The following TCERG1L variants were observed in gnomAD, a reference collection of about 807,000 sequenced individuals.
The protein encoded by TCERG1L is transcription elongation regulator 1-like protein.
A neutral mutation model predicts 56.3 loss-of-function variants in TCERG1L; 37 were observed. The observed-to-expected ratio is 0.66, with a 90% confidence interval of 0.51 to 0.87. The LOEUF (loss-of-function observed/expected upper bound fraction) is 0.87, where lower values mean the gene tolerates loss of function less well. Among genes scored for constraint, TCERG1L ranks in the 40% least tolerant of loss-of-function variants. The probability of loss-of-function intolerance (pLI) is 0.00; values close to 1 mark genes in which losing one functional copy is unlikely to be tolerated. For synonymous variants in TCERG1L, 324 were observed against 326.3 expected, an observed-to-expected ratio of 0.99 and a Z score of 0.08; for missense variants, 799 against 774.2, an observed-to-expected ratio of 1.03 and a Z score of -0.38.
intron 4 of TCERG1L, among the ~76,000 whole-genome samples, chr10:131,206,073 G>A (rs1845521741): frequency 6.6e-6 from 1 of 152,272 alleles, no homozygotes; most frequent in Admixed American, 6.5e-5. Flanking sequence ...AATGGATGCT[G>A]CAGACACGAA....
intron 4 of TCERG1L, among the ~76,000 whole-genome samples, chr10:131,230,074 C>T (rs1381230049): frequency 1.3e-5 from 2 of 152,198 alleles, no homozygotes; most frequent in African/African-American, 4.8e-5. Context: ...ACCCGACTGT[C>T]CCATGAGGAT....
At chr10:131,181,730 C>T (rs946810005) in intron 4 of TCERG1L, among the ~76,000 whole-genome samples, 6 of 152,246 alleles carry the variant, frequency 3.9e-5, no homozygotes, top group African/African-American at 9.6e-5. Flanking sequence ...CCGTGTCCCC[C>T]CTCGCCTCCT....
chr10:131,185,281 T>C (rs966561157), intron 4 of TCERG1L, among the ~76,000 whole-genome samples: 4 of 152,072 alleles, frequency 2.6e-5, no homozygotes, highest in South Asian at 2.1e-4. Context: ...CACAGAAGAA[T>C]GTCAGAAAGA....
chr10:131,246,558 C>A (rs1177765197), intron 4 of TCERG1L, among the ~76,000 whole-genome samples: 1 of 152,122 alleles, frequency 6.6e-6, no homozygotes, highest in East Asian at 1.9e-4. Flanking sequence ...CGGCAAAAAA[C>A]AGAGGACAAG....
intron 9 of TCERG1L, among the ~76,000 whole-genome samples, chr10:131,113,879 T>G (rs56198058): frequency 0.091 from 12,956 of 142,440 alleles, 2,480 homozygotes; most frequent in Admixed American, 0.17. Flanking sequence ...GTCTCTAATG[T>G]GTTTACCTAA....
intron 3 of TCERG1L, among the ~76,000 whole-genome samples, chr10:131,302,174 T>C (rs769635974): frequency 9.2e-5 from 14 of 151,954 alleles, no homozygotes; most frequent in Admixed American, 2.0e-4. Flanking sequence ...CTTTTCCCCA[T>C]GAACCAAGCT....
rs578235327 is a variant in TCERG1L, at chr10:131,192,482, T to C, written c.857-25597A>G. On this transcript the variant is annotated intron_variant, in intron 4 of 11. Transcript: ENST00000368642. Reference sequence around the variant, plus strand: ...CCCAGATTCCTTAAAGAGTTAAAAGTAGATCTACCATTTGATCCAGCAATC... The same window carrying C: ...CCCAGATTCCTTAAAGAGTTAAAAGCAGATCTACCATTTGATCCAGCAATC... 4.9e-5 allele frequency among the ~76,000 whole-genome samples: 7 copies of C among 144,106 alleles called. 1 individual carries two copies. Among genetic ancestry groups the C allele is most frequent in the African/African-American group, 1.3e-4 (5 of 38,238 alleles). 94.5% of individuals were successfully genotyped at this position (144,106 alleles called of 152,430 possible). A position where few individuals can be genotyped will look rare whatever the true frequency, so the allele number is the denominator to read the frequency against.
chr10:131,131,260 G>A (rs911029746), intron 8 of TCERG1L, among the ~76,000 whole-genome samples: 3 of 152,148 alleles, frequency 2.0e-5, no homozygotes, highest in Admixed American at 6.5e-5. Flanking sequence ...CCCTGCACAC[G>A]TGAGGTCAGA....
Position 131,204,472 on chromosome 10 carries a change from C to T in TCERG1L, c.857-37587G>A, listed in dbSNP as rs117115505. 5.9e-3 allele frequency among the ~76,000 whole-genome samples: 878 copies of T among 148,160 alleles called. 7 individuals are homozygous for T. Among genetic ancestry groups the T allele is most frequent in the South Asian group, 0.021 (92 of 4,420 alleles). The stretch of plus-strand genomic sequence containing the variant: ...AAAATGGGGATGAGGATGAGTCCAT[C>T]CACCCCAAATGCCAGAAAGCACCTG... On this transcript the variant is annotated intron_variant, in intron 4 of 11. Coordinates refer to ENST00000368642, the MANE Select transcript of TCERG1L (RefSeq NM_174937.4).
chr10:131,298,032 TTC>T (rs752267674), intron 3 of TCERG1L, among the ~76,000 whole-genome samples: 8 of 152,090 alleles, frequency 5.3e-5, no homozygotes, highest in Non-Finnish European at 7.4e-5. Context: ...CCTTATATTC[TTC>T]TGTTTTTTAA....
intron 4 of TCERG1L, among the ~76,000 whole-genome samples, chr10:131,259,861 C>T (rs1282231612): frequency 6.6e-6 from 1 of 152,230 alleles, no homozygotes; most frequent in Non-Finnish European, 1.5e-5. Flanking sequence ...CTTGGCTCTG[C>T]GCTCACTCAC....
intron 3 of TCERG1L, among the ~76,000 whole-genome samples, chr10:131,281,366 A>G (rs1301766523): frequency 6.6e-6 from 1 of 152,090 alleles, no homozygotes; most frequent in Admixed American, 6.5e-5. Flanking sequence ...ATGCACATGG[A>G]CTAATTAGAT....
intron 7 of TCERG1L, among the ~76,000 whole-genome samples, chr10:131,137,256 G>A (rs1179586261): frequency 1.3e-5 from 2 of 151,882 alleles, no homozygotes; most frequent in East Asian, 3.9e-4. Flanking sequence ...CCTCGGCTGT[G>A]CCCCTGAGTC....
chr10:131,186,254 A>C (rs945752475), intron 4 of TCERG1L, among the ~76,000 whole-genome samples: 44 of 152,050 alleles, frequency 2.9e-4, no homozygotes, highest in Non-Finnish European at 5.4e-4. Flanking sequence ...TTTTTTTCAG[A>C]GTGAGGAACA....
chr10:131,282,137 GAAAAAAAAAAAAA>G (rs543405432), intron 3 of TCERG1L, among the ~76,000 whole-genome samples: 1 of 92,544 alleles, frequency 1.1e-5, no homozygotes, highest in African/African-American at 4.4e-5. Context: ...CTCCATCTCA[GAAAAAAAAAAAAA>G]AAAAAAAAAA....
Position 131,118,254 on chromosome 10 carries a change from C to A in TCERG1L, c.1260-1320G>T, listed in dbSNP as rs1845479260. 6.6e-6 allele frequency among the ~76,000 whole-genome samples: 1 copy of A among 152,220 alleles called. No homozygotes were observed. Among genetic ancestry groups the A allele is most frequent in the Non-Finnish European group, 1.5e-5 (1 of 68,032 alleles). ...CTACATTCTGGGAGCTCCCTAAGTG[C>A]TCGGAGATGTAGGAATGGCATGTAC... On this transcript the variant is annotated intron_variant, in intron 8 of 11. Coordinates refer to ENST00000368642, the MANE Select transcript of TCERG1L (RefSeq NM_174937.4). The surrounding 1 kb of genome is among the most constrained non-coding windows in gnomAD (Gnocchi z 4.2).
At chr10:131,126,957 A>G (rs1845571798) in intron 8 of TCERG1L, among the ~76,000 whole-genome samples, 1 of 152,194 alleles carries the variant, frequency 6.6e-6, no homozygotes, top group Non-Finnish European at 1.5e-5. Context: ...ATAGCTGACG[A>G]GGCTGATTAA....
chr10:131,310,173 TAA>T (rs1846869591), intron 1 of TCERG1L, among the ~76,000 whole-genome samples: 1 of 152,198 alleles, frequency 6.6e-6, no homozygotes, highest in Admixed American at 6.5e-5. Flanking sequence ...TAAATTTATA[TAA>T]GTGAAAAAAT....
At position 131,291,401 on chromosome 10, in the gene TCERG1L, C is replaced by CTTTTTTTTTTTTTTTTTTTTTT. The variant is rs71009957; in HGVS notation, c.670+16788_670+16809dup. The stretch of plus-strand genomic sequence containing the variant: ...TGTGTATATTCCATAAACAGCATTT[C>CTTTTTTTTTTTTTTTTTTTTTT]TTTTTTTTTTTTTTTTTTTTTTTTT... On this transcript the variant is annotated intron_variant, in intron 3 of 11. Transcript: ENST00000368642. Among the ~76,000 whole-genome samples, 13 of 36,596 alleles carry CTTTTTTTTTTTTTTTTTTTTTT rather than the reference C, an allele frequency of 3.6e-4. 4 individuals are homozygous for CTTTTTTTTTTTTTTTTTTTTTT. The highest frequency in any genetic ancestry group is 2.0e-3 in the Admixed American group (4 of 2,000). 24.0% of individuals were successfully genotyped at this position (36,596 alleles called of 152,430 possible). A position where few individuals can be genotyped will look rare whatever the true frequency, so the allele number is the denominator to read the frequency against.
Sources: allele counts gnomAD v4.1 joint callset (sites outside exome capture counted in the v4.1 genomes callset), GRCh38; gene constraint gnomAD v4.1.1; non-coding constraint Gnocchi (gnomAD v3.1); transcripts MANE v1.5; gene names NCBI Gene and HGNC (gene_info 2026-07-23, HGNC 2026-07-21).